Variants in CEP152 observed in about 807,000 individuals in gnomAD.
CEP152 encodes centrosomal protein 152, also known as centrosomal protein of 152 kDa.
A neutral mutation model predicts 188.9 loss-of-function variants in CEP152; 132 were observed. That is an observed-to-expected ratio of 0.70 (90% CI 0.61 to 0.81). CEP152 has a LOEUF of 0.81. Among genes scored for constraint, CEP152 ranks in the 30% least tolerant of loss-of-function variants. CEP152 has a pLI of 0.00. For synonymous variants in CEP152, 649 were observed against 666.6 expected (o/e 0.97, Z 0.41); for missense variants, 1,914 against 1,969.8 (o/e 0.97, Z 0.54).
intron 13 of CEP152, among the ~76,000 whole-genome samples, chr15:48,771,409 T>A (rs556844688): frequency 8.5e-5 from 13 of 152,190 alleles, no homozygotes; most frequent in Admixed American, 1.3e-4. Flanking sequence ...CCATCATCAC[T>A]ATATAATTAA....
intron 2 of CEP152, 50 bp downstream of exon 2, chr15:48,805,513 T>C (rs1595708414): frequency 6.3e-7 from 1 of 1,576,196 alleles, no homozygotes; most frequent in Non-Finnish European, 8.6e-7. Context: ...ATAAAACTTG[T>C]TAAAGATTGG....
At chr15:48,765,633 C>A (rs1363173134) in intron 17 of CEP152, 16 of 348,612 alleles carry the variant, frequency 4.6e-5, no homozygotes, top group East Asian at 9.8e-5. Flanking sequence ...TATGTTCTTG[C>A]CAATTTTTTT....
intron 13 of CEP152, among the ~76,000 whole-genome samples, chr15:48,770,826 A>G (rs532067241): frequency 1.3e-5 from 2 of 152,340 alleles, no homozygotes; most frequent in East Asian, 3.8e-4. Flanking sequence ...ATCAGGCTGG[A>G]AAAGATTTTG....
At chr15:48,756,887 T>G (rs1894318940) in intron 19 of CEP152, among the ~76,000 whole-genome samples, 1 of 152,148 alleles carries the variant, frequency 6.6e-6, no homozygotes, top group Admixed American at 6.6e-5. Flanking sequence ...CCCCAACAAA[T>G]TAAGTATCTT....
rs955334640 is a variant in CEP152, at chr15:48,748,600, C to A, written c.3477G>T (p.Lys1159Asn). The change falls in exon 22 of 27, where the codon AAG becomes AAT. Residue 1159 changes from lysine (K) to asparagine (N), a missense_variant. Physicochemically the swap from Lys to Asn is moderately conservative, Grantham distance 94 (BLOSUM62 0). Coordinates refer to ENST00000380950, the MANE Select transcript of CEP152 (RefSeq NM_001194998.2). Reference sequence around the variant, plus strand: ...AGCATAAATCCTTAATTTCAAGGACCTTTTTCTTATCTGCAAAAATTAAAT... The same window carrying A: ...AGCATAAATCCTTAATTTCAAGGACATTTTTCTTATCTGCAAAAATTAAAT... The part of the protein sequence containing the change: ...QATEAEADKK[K>N]VLEIKDLCCG... 27 of 1,480,882 alleles carry A rather than the reference C, an allele frequency of 1.8e-5. No homozygotes were observed. The highest frequency in any genetic ancestry group is 2.3e-5 in the Non-Finnish European group (26 of 1,121,768). 91.7% of individuals were successfully genotyped at this position (1,480,882 alleles called of 1,614,324 possible).
In CEP152 at chr15:48,772,477, C is replaced by T. The variant is rs1395815883; in HGVS notation, c.1782+10G>A. On this transcript the variant is annotated intron_variant, in intron 13 of 26. Coordinates refer to ENST00000380950, the MANE Select transcript of CEP152 (RefSeq NM_001194998.2). ...AAAAATGGTTTTTTAACTCTATAGG[C>T]TTTACATACCTCAACCTCAATGCTT... 1 of 1,607,424 alleles carries T rather than the reference C, an allele frequency of 6.2e-7. No individual in the cohort carries two copies. The highest frequency in any genetic ancestry group is 1.3e-5 in the African/African-American group (1 of 74,940).
chr15:48,735,365 G>T (rs1302519228), downstream of CEP152, among the ~76,000 whole-genome samples: 1 of 152,188 alleles, frequency 6.6e-6, no homozygotes. Flanking sequence ...ACAGTGCTTA[G>T]AGAGAAATTC....
downstream of CEP152, among the ~76,000 whole-genome samples, chr15:48,733,928 T>C (rs1008886681): frequency 3.9e-5 from 6 of 151,972 alleles, no homozygotes; most frequent in Non-Finnish European, 8.8e-5. Flanking sequence ...ATATATAAAT[T>C]TGAAATATAT....
intron 6 of CEP152, 119 bp from the exon 7 acceptor site, chr15:48,793,580 AGTGAATT>A (rs1411986938): frequency 1.2e-6 from 1 of 849,228 alleles, no homozygotes; most frequent in African/African-American, 1.7e-5. Flanking sequence ...AAATCAATTC[AGTGAATT>A]GTGACTAGGA....
intron 17 of CEP152, among the ~76,000 whole-genome samples, chr15:48,766,687 G>GA (rs1399942548): frequency 2.6e-5 from 4 of 152,036 alleles, no homozygotes; most frequent in Non-Finnish European, 4.4e-5. Flanking sequence ...GGCTCTGAAC[G>GA]AATGCTCCGT....
rs1308751999 is a variant in CEP152 at position 48,741,663 on chromosome 15, G to GT, written c.4030dup (p.Thr1344AsnfsTer12). On this transcript the variant is annotated frameshift_variant, in exon 26 of 27. Transcript: ENST00000380950. LOFTEE classifies it high-confidence loss of function. ...AGGTGTTTCCAGTAATTTTGCCATT[G>GT]TAGCAAGTTTGCTAGCAGCATTCAT... 6.2e-7 allele frequency: 1 copy of GT among 1,614,124 alleles called. No homozygotes were observed. The highest frequency in any genetic ancestry group is 2.2e-5 in the East Asian group (1 of 44,868).
intron 11 of CEP152, among the ~76,000 whole-genome samples, chr15:48,781,685 G>C (rs1195798150): frequency 2.6e-5 from 4 of 152,180 alleles, no homozygotes; most frequent in Non-Finnish European, 5.9e-5. Flanking sequence ...ACAGGACAAA[G>C]TACGCTGGTT....
intron 2 of CEP152, among the ~76,000 whole-genome samples, chr15:48,731,776 C>A (rs1892431235): frequency 6.6e-6 from 1 of 152,136 alleles, no homozygotes; most frequent in Non-Finnish European, 1.5e-5. Flanking sequence ...AAAACTTTTG[C>A]AATCTACCCA....
intron 9 of CEP152, among the ~76,000 whole-genome samples, chr15:48,786,042 G>A (rs1896612557): frequency 6.6e-6 from 1 of 151,660 alleles, no homozygotes; most frequent in South Asian, 2.1e-4. Context: ...AAGTCTGTGG[G>A]AGTCTCTAAG....
At chr15:48,777,580 T>C (rs1896000970) in intron 12 of CEP152, among the ~76,000 whole-genome samples, 2 of 151,830 alleles carry the variant, frequency 1.3e-5, no homozygotes, top group Admixed American at 1.3e-4. Context: ...GCTTTTGCAA[T>C]ACAAAATGCA....
chr15:48,790,498 T>C (rs1294546338), intron 8 of CEP152, among the ~76,000 whole-genome samples: 1 of 152,202 alleles, frequency 6.6e-6, no homozygotes, highest in African/African-American at 2.4e-5. Flanking sequence ...GTTTAAACTC[T>C]TTCATTAAAC....
chr15:48,801,956 G>A (rs1485956399), intron 2 of CEP152, among the ~76,000 whole-genome samples: 1 of 152,062 alleles, frequency 6.6e-6, no homozygotes, highest in Non-Finnish European at 1.5e-5. Flanking sequence ...AATTAGCCAG[G>A]CATGGTGGTG....
downstream of CEP152, among the ~76,000 whole-genome samples, chr15:48,735,730 T>A (rs1363249961): frequency 1.3e-5 from 2 of 151,698 alleles, no homozygotes; most frequent in African/African-American, 4.9e-5. Context: ...CAAGTCTCCA[T>A]CTCAAAAATA....
intron 5 of CEP152, 63 bp from the exon 6 acceptor site, chr15:48,796,223 A>G (rs1897282129): frequency 1.9e-6 from 3 of 1,582,404 alleles, no homozygotes; most frequent in South Asian, 1.1e-5. Flanking sequence ...TATCTGAATT[A>G]GACACCTAAA....
Sources: allele counts gnomAD v4.1 joint callset (sites outside exome capture counted in the v4.1 genomes callset), GRCh38; gene constraint gnomAD v4.1.1; transcripts MANE v1.5; gene names NCBI Gene and HGNC (gene_info 2026-07-23, HGNC 2026-07-21).